The following CFAP161 variants were observed in gnomAD, a reference collection of about 807,000 sequenced individuals.
The protein encoded by CFAP161 is cilia and flagella associated protein 161, also known as cilia- and flagella-associated protein 161.
CFAP161 carries 25 observed loss-of-function variants against 29.0 expected under a neutral mutation model. That is an observed-to-expected ratio of 0.86 (90% CI 0.63 to 1.20). The LOEUF is 1.20. CFAP161 is among the 50% of genes most tolerant of loss of function. The probability of loss-of-function intolerance (pLI) is 0.00; values close to 1 mark genes in which losing one functional copy is unlikely to be tolerated. For synonymous variants in CFAP161, 116 were observed against 137.4 expected, an observed-to-expected ratio of 0.84 and a Z score of 1.09; for missense variants, 367 against 371.9, an observed-to-expected ratio of 0.99 and a Z score of 0.11.
chr15:81,130,986 G>A (rs1436127729), upstream of CFAP161, among the ~76,000 whole-genome samples: 1 of 151,978 alleles, frequency 6.6e-6, no homozygotes. Context: ...ACTGATCACA[G>A]ATCACCATAA....
At chr15:81,145,510 T>A (rs1051043541) in intron 5 of CFAP161, among the ~76,000 whole-genome samples, 1 of 152,166 alleles carries the variant, frequency 6.6e-6, no homozygotes, top group Non-Finnish European at 1.5e-5. Context: ...ATGACTGTTG[T>A]TGTTATATTG....
At chr15:81,139,073 A>G (rs1355274415) in intron 4 of CFAP161, among the ~76,000 whole-genome samples, 1 of 152,144 alleles carries the variant, frequency 6.6e-6, no homozygotes, top group Non-Finnish European at 1.5e-5. Flanking sequence ...AGACCAAGGC[A>G]AGAGGATCAC....
At chr15:81,124,531 T>C (rs1894616258) in intron 1 of CFAP161, among the ~76,000 whole-genome samples, 1 of 152,210 alleles carries the variant, frequency 6.6e-6, no homozygotes, top group South Asian at 2.1e-4. Context: ...CCTCATAGAA[T>C]GAGTTAGGGA....
intron 4 of CFAP161, among the ~76,000 whole-genome samples, chr15:81,139,486 T>C (rs897220563): frequency 6.6e-6 from 1 of 152,116 alleles, no homozygotes; most frequent in Admixed American, 6.5e-5. Flanking sequence ...TTCCTGTGTA[T>C]TTTTTTAAAA....
intron 1 of CFAP161, among the ~76,000 whole-genome samples, chr15:81,121,931 C>A (rs554353195): frequency 1.3e-5 from 2 of 152,340 alleles, no homozygotes; most frequent in Admixed American, 1.3e-4. Flanking sequence ...GTGTTCTCAT[C>A]ATTTAGCTCC....
At chr15:81,139,175 C>T (rs1434641727) in intron 4 of CFAP161, among the ~76,000 whole-genome samples, 2 of 152,088 alleles carry the variant, frequency 1.3e-5, no homozygotes, top group South Asian at 2.1e-4. Context: ...TATGGTGACG[C>T]GCTCCTGTAG....
At chr15:81,140,413 G>T (rs747601874) in intron 4 of CFAP161, among the ~76,000 whole-genome samples, 1 of 152,180 alleles carries the variant, frequency 6.6e-6, no homozygotes. Flanking sequence ...TGACTGGTCA[G>T]TTATATCTAT....
chr15:81,128,561 G>T (rs1338833764), intron 2 of CFAP161, among the ~76,000 whole-genome samples: 2 of 152,000 alleles, frequency 1.3e-5, no homozygotes, highest in East Asian at 1.9e-4. Context: ...TTTAATTCTA[G>T]TTTTCTTGTT....
rs141396970 is a variant in CFAP161 at position 81,109,565 on chromosome 15, G to A, written c.-141-18025G>A. On this transcript the variant is annotated intron_variant, in intron 1 of 4. Coordinates refer to the CFAP161 transcript ENST00000560091. ...CAAAAAATTTAAAAATTAGCTGGGT[G>A]TGGTGGTGTATGCCTGTAGTCCCAG... Among the ~76,000 whole-genome samples, 445 of 152,284 alleles carry A rather than the reference G, an allele frequency of 2.9e-3. 3 individuals carry two copies. Among genetic ancestry groups the A allele is most frequent in the African/African-American group, 0.01 (427 of 41,568 alleles).
At chr15:81,136,474 G>A (rs771866435) in intron 2 of CFAP161, 42 bp from the exon 3 acceptor site, 6 of 1,567,354 alleles carry the variant, frequency 3.8e-6, no homozygotes, top group African/African-American at 1.4e-5. Context: ...AACTGTTGAG[G>A]AATTGCATGG....
intron 4 of CFAP161, 89 bp from the exon 5 acceptor site, chr15:81,143,573 T>C: frequency 7.2e-7 from 1 of 1,391,976 alleles, no homozygotes; most frequent in East Asian, 2.3e-5. Flanking sequence ...GCTTTGAATG[T>C]GCTTGCCGTC....
Position 81,145,259 on chromosome 15 carries a change from A to G in CFAP161, c.636+1439A>G, listed in dbSNP as rs540573000. Among the ~76,000 whole-genome samples the G allele has an allele frequency of 4.6e-5, 7 of 152,292 alleles. No individual in the cohort carries two copies. In the South Asian group the frequency reaches 1.5e-3, roughly 32 times the overall value. Reference sequence around the variant, plus strand: ...ATGGAGGACATATATATTATCTACAATGAAACAGGCTTTACAAATTATTCT... The same window carrying G: ...ATGGAGGACATATATATTATCTACAGTGAAACAGGCTTTACAAATTATTCT... On this transcript the variant is annotated intron_variant, in intron 5 of 6. Coordinates refer to ENST00000286732, the MANE Select transcript of CFAP161 (RefSeq NM_173528.4).
At chr15:81,134,171 C>T (rs1448310823), upstream of CFAP161, 5 of 748,492 alleles carry the variant, frequency 6.7e-6, no homozygotes, top group African/African-American at 8.9e-5. Flanking sequence ...CTGACCCAGA[C>T]GCCCCATCTC....
rs557667224 is a variant in CFAP161, at chr15:81,129,010, T to A, written c.-7+1286T>A. Among the ~76,000 whole-genome samples the A allele has an allele frequency of 2.0e-5, 3 of 152,256 alleles. No homozygotes were observed. The South Asian group carries it at 6.2e-4, about 32-fold the overall frequency. On this transcript the variant is annotated intron_variant, in intron 2 of 4. Coordinates refer to the CFAP161 transcript ENST00000560091. ...ATAAGACTTGAAAGTTGAAATTACT[T>A]CTTGATCCATGGGCTGCAGAATGGA...
chr15:81,115,331 A>G (rs1894484132), intron 1 of CFAP161, among the ~76,000 whole-genome samples: 1 of 152,050 alleles, frequency 6.6e-6, no homozygotes, highest in Non-Finnish European at 1.5e-5. Context: ...TTAGGTTTTG[A>G]TGTCTCTGGA....
intron 1 of CFAP161, among the ~76,000 whole-genome samples, chr15:81,108,193 G>C (rs542043776): frequency 1.3e-5 from 2 of 152,086 alleles, no homozygotes; most frequent in Non-Finnish European, 2.9e-5. Context: ...TAATTGCATT[G>C]CTTCCAAACC....
At chr15:81,114,463 G>A (rs1399126713) in intron 1 of CFAP161, among the ~76,000 whole-genome samples, 3 of 152,142 alleles carry the variant, frequency 2.0e-5, no homozygotes, top group Non-Finnish European at 4.4e-5. Context: ...GATTAGGGTG[G>A]CTATGGCAAT....
intron 1 of CFAP161, among the ~76,000 whole-genome samples, chr15:81,102,082 A>G (rs1349588971): frequency 6.6e-6 from 1 of 152,210 alleles, no homozygotes; most frequent in Non-Finnish European, 1.5e-5. Context: ...GAATTGAGCC[A>G]AAGAGTGGCT....
rs149298692 is a variant in CFAP161, at chr15:81,137,457, G to A, written c.393-594G>A. Among the ~76,000 whole-genome samples the A allele has an allele frequency of 3.1e-3, 472 of 152,238 alleles. 1 individual carries two copies. Among genetic ancestry groups the A allele is most frequent in the African/African-American group, 0.011 (446 of 41,544 alleles). On this transcript the variant is annotated intron_variant, in intron 3 of 6. Coordinates refer to ENST00000286732, the MANE Select transcript of CFAP161 (RefSeq NM_173528.4). ...AAAAAATACAAAAAATTAGCTGGGC[G>A]TGGTGGCAGGCTCCTGTAATTCCAG...
Sources: gnomAD v4.1 joint callset for allele counts (sites outside exome capture counted in the v4.1 genomes callset) on GRCh38, gnomAD v4.1.1 for gene constraint, MANE v1.5 for transcripts, NCBI Gene and HGNC (gene_info 2026-07-23, HGNC 2026-07-21) for gene names.